Variants in MMP26 observed in about 807,000 individuals in gnomAD.
The protein encoded by MMP26 is matrix metalloproteinase-26.
A neutral mutation model predicts 31.0 loss-of-function variants in MMP26; 33 were observed. The ratio of observed to expected loss-of-function variants is 1.06; its 90% CI spans 0.81 to 1.42. MMP26 has a LOEUF of 1.42. MMP26 is among the 40% of genes most tolerant of loss of function. The pLI, the probability that MMP26 is intolerant of heterozygous loss-of-function variation, is 0.00. For missense variants in MMP26, 347 were observed against 316.1 expected (o/e 1.10, Z -0.74); for synonymous variants, 122 against 114.9 (o/e 1.06, Z -0.40).
At chr11:4,794,410 C>T (rs1034358109) in intron 2 of MMP26, among the ~76,000 whole-genome samples, 1 of 152,062 alleles carries the variant, frequency 6.6e-6, no homozygotes, top group Non-Finnish European at 1.5e-5. Context: ...GCAATTTATC[C>T]CCTAGTATGC....
chr11:4,904,086 G>A (rs1198843767), intron 2 of MMP26, among the ~76,000 whole-genome samples: 1 of 152,022 alleles, frequency 6.6e-6, no homozygotes, highest in Non-Finnish European at 1.5e-5. Context: ...TCCAATCTAG[G>A]ACTTGATGTC....
intron 2 of MMP26, chr11:4,803,700 A>C: frequency 1.2e-6 from 2 of 1,614,012 alleles, no homozygotes; most frequent in Non-Finnish European, 1.7e-6. Context: ...ACTGAAGCAC[A>C]GCTCTCAAAA....
At chr11:4,915,588 C>G in intron 2 of MMP26, 1 of 1,614,068 alleles carries the variant, frequency 6.2e-7, no homozygotes, top group Non-Finnish European at 8.5e-7. Flanking sequence ...TGCATGCGCT[C>G]CAGCCCAGGG....
chr11:4,907,541 C>A (rs778392725), intron 2 of MMP26: 1 of 1,614,098 alleles, frequency 6.2e-7, no homozygotes, highest in Non-Finnish European at 8.5e-7. Context: ...GCTTCATGAG[C>A]CCATGTATTA....
rs1243326097 is a variant in MMP26, at chr11:4,947,384, T to A, written c.-144-40684T>A. On this transcript the variant is annotated intron_variant, in intron 2 of 7. Coordinates refer to ENST00000380390, the MANE Select transcript of MMP26 (RefSeq NM_021801.5). ...TTTTGTATTTAGTTACGCATCTGATTTCATTTTTTCCTGTAAAATATTAGT... is the reference window on the plus strand; with the variant it reads ...TTTTGTATTTAGTTACGCATCTGATATCATTTTTTCCTGTAAAATATTAGT... 1.6e-5 allele frequency among the ~76,000 whole-genome samples: 2 copies of A among 125,460 alleles called. 1 individual carries two copies. The highest frequency in any genetic ancestry group is 3.6e-5 in the Non-Finnish European group (2 of 55,316). The allele number at this position is 125,460 out of a possible 152,430, so 82.3% of individuals were successfully genotyped here.
chr11:4,970,692 G>C (rs1027293447), intron 2 of MMP26, among the ~76,000 whole-genome samples: 3 of 152,158 alleles, frequency 2.0e-5, no homozygotes, highest in African/African-American at 7.2e-5. Context: ...GTTTTTAGTG[G>C]TGCTGGTGAG....
chr11:4,785,214 A>G (rs1424394957), intron 2 of MMP26, among the ~76,000 whole-genome samples: 1 of 152,228 alleles, frequency 6.6e-6, no homozygotes, highest in African/African-American at 2.4e-5. Flanking sequence ...CAGTTCTGGG[A>G]AAGAGCAGAC....
intron 2 of MMP26, chr11:4,804,357 G>A (rs1218759040): frequency 6.2e-7 from 1 of 1,614,140 alleles, no homozygotes; most frequent in Admixed American, 1.7e-5. Context: ...GATGAGAAGA[G>A]CTGTTCCCTG....
At chr11:4,867,028 G>A (rs949524524) in intron 2 of MMP26, among the ~76,000 whole-genome samples, 2 of 152,024 alleles carry the variant, frequency 1.3e-5, no homozygotes, top group African/African-American at 2.4e-5. Flanking sequence ...CATGAGGAAC[G>A]ATTTCATGAC....
chr11:4,772,043 T>A (rs1848730691), intron 2 of MMP26, among the ~76,000 whole-genome samples: 1 of 152,156 alleles, frequency 6.6e-6, no homozygotes, highest in Admixed American at 6.5e-5. Flanking sequence ...TCTGGAGCCA[T>A]GGACTTTATA....
intron 1 of MMP26, chr11:4,710,031 A>G (rs1847838601): frequency 2.2e-6 from 1 of 456,624 alleles, no homozygotes; most frequent in Non-Finnish European, 4.4e-6. Context: ...TCTTAGGGGA[A>G]CAACAGCTCT....
chr11:4,853,284 C>A (rs1245566546), intron 2 of MMP26, among the ~76,000 whole-genome samples: 1 of 152,060 alleles, frequency 6.6e-6, no homozygotes, highest in African/African-American at 2.4e-5. Flanking sequence ...TGTTAATTGG[C>A]TTGATTGTGG....
chr11:4,811,607 C>T (rs1025772387), intron 2 of MMP26, among the ~76,000 whole-genome samples: 12 of 151,938 alleles, frequency 7.9e-5, no homozygotes, highest in African/African-American at 2.9e-4. Flanking sequence ...CGGTATGTGA[C>T]GTTCTTAGTA....
intron 2 of MMP26, chr11:4,915,530 G>A (rs1170596718): frequency 8.1e-6 from 13 of 1,613,960 alleles, no homozygotes; most frequent in South Asian, 2.2e-5. Flanking sequence ...GCAGTTGCCC[G>A]GGATGGAAAC....
chr11:4,867,874 G>A lies in MMP26; in HGVS notation c.-145+100533G>A, dbSNP rs190157834. On this transcript the variant is annotated intron_variant, in intron 2 of 7. Transcript: ENST00000380390. The stretch of plus-strand genomic sequence containing the variant: ...CTAGAGGCAGAAATACCATTTGACC[G>A]AGAAATCCCATTACTGGGTATATAC... Among the ~76,000 whole-genome samples the A allele has an allele frequency of 7.4e-3, 1,129 of 152,170 alleles. 8 individuals carry two copies. The highest frequency in any genetic ancestry group is 0.01 in the Middle Eastern group (3 of 292).
intron 2 of MMP26, chr11:4,859,689 G>A: frequency 2.1e-6 from 1 of 470,948 alleles, no homozygotes; most frequent in South Asian, 1.6e-5. Context: ...TGTAGACAAT[G>A]GGGTTTAGCA....
chr11:4,828,390 T>C (rs1416915468), intron 2 of MMP26, among the ~76,000 whole-genome samples: 1 of 152,192 alleles, frequency 6.6e-6, no homozygotes, highest in East Asian at 1.9e-4. Context: ...TGCATCTATT[T>C]TGGTCATCTG....
chr11:4,991,508 G>A lies in MMP26; in HGVS notation c.595+12G>A, dbSNP rs769663360. Reference sequence around the variant, plus strand: ...AGCTTCAGACACTGGTAAATGCCTTGTTTGGTGGGATCGCTAGAACTCTCT... The same window carrying A: ...AGCTTCAGACACTGGTAAATGCCTTATTTGGTGGGATCGCTAGAACTCTCT... On this transcript the variant is annotated intron_variant, in intron 6 of 7. Transcript: ENST00000380390. 8.1e-6 allele frequency: 13 copies of A among 1,611,858 alleles called. No individual in the cohort carries two copies. The East Asian group carries it at 2.7e-4, about 33-fold the overall frequency.
At chr11:4,818,313 A>G (rs10836711) in intron 2 of MMP26, among the ~76,000 whole-genome samples, 97,424 of 151,938 alleles carry the variant, frequency 0.64, 32,159 homozygotes, top group Middle Eastern at 0.75. Context: ...TTATTTCTTC[A>G]GCTAGTTTGG....
Sources: allele counts gnomAD v4.1 joint callset (sites outside exome capture counted in the v4.1 genomes callset), GRCh38; gene constraint gnomAD v4.1.1; transcripts MANE v1.5; gene names NCBI Gene and HGNC (gene_info 2026-07-23, HGNC 2026-07-21).